Variants in TRIP12 observed in about 807,000 individuals in gnomAD.
The protein encoded by TRIP12 is thyroid hormone receptor interactor 12.
A neutral mutation model predicts 244.2 loss-of-function variants in TRIP12; 25 were observed. The observed-to-expected ratio is 0.10, with a 90% confidence interval of 0.07 to 0.14. The LOEUF (loss-of-function observed/expected upper bound fraction) is 0.14. Among genes scored for constraint, TRIP12 ranks in the 10% least tolerant of loss-of-function variants. The pLI is 1.00. For synonymous variants in TRIP12, 905 were observed against 873.1 expected, an observed-to-expected ratio of 1.04 and a Z score of -0.64; for missense variants, 1,677 against 2,486.4, an observed-to-expected ratio of 0.67 and a Z score of 6.92.
At chr2:229,797,407 TG>T (rs2043091672) in intron 24 of TRIP12, among the ~76,000 whole-genome samples, 1 of 152,166 alleles carries the variant, frequency 6.6e-6, no homozygotes, top group African/African-American at 2.4e-5. Flanking sequence ...AAAACAGATG[TG>T]CTTGTGAGGA....
chr2:229,852,471 G>A lies in TRIP12; in HGVS notation c.1027+6301C>T, dbSNP rs147966106. ...TATATTAAAATATAAAAAGATTTTT[G>A]AAGCCATCTATATCATTATATTACC... is the stretch of plus-strand genomic sequence containing the variant. On this transcript the variant is annotated intron_variant, in intron 4 of 41. Coordinates refer to ENST00000675903, the MANE Select transcript of TRIP12 (RefSeq NM_001348323.3). Among the ~76,000 whole-genome samples, 132 of 151,928 alleles carry A rather than the reference G, an allele frequency of 8.7e-4. 1 individual carries two copies. Among genetic ancestry groups the A allele is most frequent in the African/African-American group, 3.0e-3 (126 of 41,476 alleles).
At chr2:229,914,236 T>C (rs745783635) in intron 1 of TRIP12, among the ~76,000 whole-genome samples, 20 of 152,096 alleles carry the variant, frequency 1.3e-4, no homozygotes, top group Admixed American at 2.6e-4. Flanking sequence ...AAATAATAGA[T>C]ACAAGATGTG....
chr2:229,872,104 T>A (rs986689551), intron 2 of TRIP12, among the ~76,000 whole-genome samples: 35 of 105,262 alleles, frequency 3.3e-4, no homozygotes, highest in East Asian at 2.3e-3. Context: ...ACAGATATTG[T>A]AAAAAAAAAA....
intron 21 of TRIP12, among the ~76,000 whole-genome samples, chr2:229,801,312 A>G (rs2044273627): frequency 6.6e-6 from 1 of 152,230 alleles, no homozygotes; most frequent in South Asian, 2.1e-4. Context: ...TGAAACTGCC[A>G]AAATTCATAT....
At chr2:229,789,022 G>C (rs758517386) in intron 31 of TRIP12, 82 bp from the exon 32 acceptor site, 2 of 1,321,426 alleles carry the variant, frequency 1.5e-6, no homozygotes, top group Non-Finnish European at 2.1e-6. Flanking sequence ...TTATCCCCAA[G>C]TCCATGCAAA....
rs537374732 is a variant in TRIP12 at position 229,797,926 on chromosome 2, T to C, written c.3483-95A>G. On this transcript the variant is annotated intron_variant, in intron 23 of 41. Transcript: ENST00000675903. ...AAATAGCTGCTACATTTAAAATTCATCCTGGTCTATGCTTACAGTTTAAAA... is the reference window on the plus strand; with the variant it reads ...AAATAGCTGCTACATTTAAAATTCACCCTGGTCTATGCTTACAGTTTAAAA... The C allele has an allele frequency of 3.1e-6, 4 of 1,287,368 alleles. No homozygotes were observed. In the East Asian group the frequency reaches 7.0e-5, roughly 23 times the overall value. The allele number at this position is 1,287,368 out of a possible 1,614,324, so 79.7% of individuals were successfully genotyped here.
intron 2 of TRIP12, among the ~76,000 whole-genome samples, chr2:229,864,001 TGAAAGAGAGAGAGAGAGAGA>T (rs1475895904): frequency 1.8e-4 from 21 of 113,550 alleles, no homozygotes; most frequent in South Asian, 8.3e-4. Context: ...AAGATTTGGG[TGAAAGAGAGAGAGAGAGAGA>T]GAGAGAGAGA....
chr2:229,791,815 G>T, intron 29 of TRIP12, 51 bp downstream of exon 29: 2 of 1,579,318 alleles, frequency 1.3e-6, no homozygotes, highest in South Asian at 2.3e-5. Flanking sequence ...TAAAACACAA[G>T]AACAGTTTCA....
chr2:229,828,141 A>C (rs1220207502), intron 8 of TRIP12, among the ~76,000 whole-genome samples: 1 of 152,226 alleles, frequency 6.6e-6, no homozygotes, highest in Admixed American at 6.5e-5. Context: ...AAGAAGGATT[A>C]GAATGAGGCT....
At chr2:229,771,253 C>A (rs2034216750) in intron 39 of TRIP12, among the ~76,000 whole-genome samples, 2 of 152,220 alleles carry the variant, frequency 1.3e-5, no homozygotes, top group Non-Finnish European at 1.5e-5. Context: ...CCCCATTCTC[C>A]ACTGAATGGC....
chr2:229,771,104 C>T (rs1379572586), intron 39 of TRIP12, among the ~76,000 whole-genome samples: 1 of 152,208 alleles, frequency 6.6e-6, no homozygotes, highest in African/African-American at 2.4e-5. Flanking sequence ...CTTAAAACTT[C>T]AAGGACTAAC....
At chr2:229,872,518 C>T (rs1417819982) in intron 2 of TRIP12, among the ~76,000 whole-genome samples, 2 of 152,070 alleles carry the variant, frequency 1.3e-5, no homozygotes, top group Non-Finnish European at 2.9e-5. Context: ...GAGCCAAGAT[C>T]CCACCACTGC....
chr2:229,870,126 G>A (rs1395312324), intron 2 of TRIP12, among the ~76,000 whole-genome samples: 1 of 152,238 alleles, frequency 6.6e-6, no homozygotes, highest in Non-Finnish European at 1.5e-5. Flanking sequence ...TTAGAACAGA[G>A]TAACTACCCA....
intron 34 of TRIP12, among the ~76,000 whole-genome samples, chr2:229,784,171 T>C (rs1352546030): frequency 1.3e-5 from 2 of 148,316 alleles, no homozygotes; most frequent in Non-Finnish European, 3.0e-5. Flanking sequence ...TACCTGATTA[T>C]GACTTACTAT....
chr2:229,922,665 G>A (rs968362316), upstream of TRIP12: 4 of 1,574,376 alleles, frequency 2.5e-6, no homozygotes, highest in Admixed American at 5.2e-5. Context: ...GCCCGGTTGG[G>A]GCCCGGGACG....
intron 29 of TRIP12, 128 bp from the exon 30 acceptor site, chr2:229,791,379 T>C (rs919192047): frequency 2.1e-5 from 23 of 1,111,022 alleles, no homozygotes; most frequent in Non-Finnish European, 2.7e-5. Context: ...CTCTCCCTAG[T>C]GTGAATCTGG....
At chr2:229,855,839 C>G (rs537128427) in intron 4 of TRIP12, among the ~76,000 whole-genome samples, 3 of 151,816 alleles carry the variant, frequency 2.0e-5, no homozygotes, top group Non-Finnish European at 4.4e-5. Flanking sequence ...GTCGGGAGTT[C>G]GAGACCAGCC....
intron 18 of TRIP12, among the ~76,000 whole-genome samples, chr2:229,805,282 G>T (rs2154271982): frequency 7.2e-6 from 1 of 139,356 alleles, no homozygotes; most frequent in Non-Finnish European, 1.6e-5. Context: ...CTAAACTAGG[G>T]CTGAAAAAGC....
chr2:229,857,880 A>G (rs1186618413), intron 4 of TRIP12, among the ~76,000 whole-genome samples: 1 of 152,218 alleles, frequency 6.6e-6, no homozygotes, highest in East Asian at 1.9e-4. Context: ...TTAGAGAGCA[A>G]TATTCTTACT....
Sources: allele counts gnomAD v4.1 joint callset (sites outside exome capture counted in the v4.1 genomes callset), GRCh38; gene constraint gnomAD v4.1.1; transcripts MANE v1.5; gene names NCBI Gene and HGNC (gene_info 2026-07-23, HGNC 2026-07-21).